Variants in CDC14B observed in about 807,000 individuals in gnomAD.
The protein encoded by CDC14B is dual specificity protein phosphatase CDC14B.
A neutral mutation model predicts 64.2 loss-of-function variants in CDC14B; 22 were observed. The ratio of observed to expected loss-of-function variants is 0.34; its 90% CI spans 0.24 to 0.49. CDC14B has a LOEUF of 0.49. Ranked by LOEUF, CDC14B falls within the 20% of genes least tolerant of loss-of-function variation. The pLI is 0.99. For synonymous variants in CDC14B, 191 were observed against 215.8 expected (o/e 0.89, Z 1.01); for missense variants, 498 against 629.9 (o/e 0.79, Z 2.24).
At chr9:96,614,170 C>A (rs959355211) in intron 1 of CDC14B, among the ~76,000 whole-genome samples, 2 of 152,052 alleles carry the variant, frequency 1.3e-5, no homozygotes, top group Non-Finnish European at 2.9e-5. Context: ...AAATTTAACA[C>A]AAACCACCAA....
chr9:96,538,333 A>G (rs1439400200), intron 7 of CDC14B, among the ~76,000 whole-genome samples: 1 of 151,960 alleles, frequency 6.6e-6, no homozygotes, highest in Non-Finnish European at 1.5e-5. Context: ...AGAAATAGGG[A>G]TAAGAAGATG....
intron 1 of CDC14B, among the ~76,000 whole-genome samples, chr9:96,609,403 T>C (rs1025955199): frequency 4.6e-5 from 7 of 152,336 alleles, no homozygotes; most frequent in Admixed American, 6.5e-5. Context: ...ATTCAGATGA[T>C]GATTTAAGAG....
chr9:96,550,193 T>C (rs1841599411), intron 5 of CDC14B, among the ~76,000 whole-genome samples: 1 of 152,210 alleles, frequency 6.6e-6, no homozygotes, highest in South Asian at 2.1e-4. Flanking sequence ...GCTTAGAAAA[T>C]GATCTTTATT....
At chr9:96,520,664 T>C (rs1836550958) in intron 12 of CDC14B, among the ~76,000 whole-genome samples, 1 of 152,178 alleles carries the variant, frequency 6.6e-6, no homozygotes, top group African/African-American at 2.4e-5. Flanking sequence ...AAACATAAAC[T>C]GATGATGCTG....
intron 1 of CDC14B, among the ~76,000 whole-genome samples, chr9:96,614,189 T>C (rs189543262): frequency 4.5e-4 from 69 of 152,338 alleles, no homozygotes; most frequent in African/African-American, 1.6e-3. Context: ...AAGAATCTTT[T>C]AGCCAGTAGC....
intron 9 of CDC14B, among the ~76,000 whole-genome samples, chr9:96,532,601 T>TAC (rs1233447991): frequency 5.3e-5 from 8 of 152,180 alleles, no homozygotes; most frequent in Non-Finnish European, 1.0e-4. Context: ...TATCTTGGTC[T>TAC]ACTTGGGTGT....
In CDC14B at chr9:96,580,378, T is replaced by C. The variant is rs1388524334; in HGVS notation, c.161-14895A>G. 3.3e-5 allele frequency among the ~76,000 whole-genome samples: 5 copies of C among 152,174 alleles called. No individual in the cohort carries two copies. The South Asian group carries it at 8.3e-4, about 25-fold the overall frequency. On this transcript the variant is annotated intron_variant, in intron 1 of 13. Coordinates refer to ENST00000375241, the MANE Select transcript of CDC14B (RefSeq NM_033331.4). ...TCCCGAGTAGCTGGGATTACAAGCA[T>C]GCACCACCACGCCCGGCTAATTTTG...
intron 7 of CDC14B, among the ~76,000 whole-genome samples, chr9:96,536,920 A>T (rs757889457): frequency 6.6e-6 from 1 of 152,198 alleles, no homozygotes; most frequent in African/African-American, 2.4e-5. Context: ...AAATATATAT[A>T]CTATGTTAAA....
chr9:96,522,755 TTAAGA>T, intron 11 of CDC14B, 152 bp from the exon 12 acceptor site: 1 of 616,644 alleles, frequency 1.6e-6, no homozygotes, highest in South Asian at 1.9e-5. Flanking sequence ...AGGTGACATT[TTAAGA>T]CAGCCAAAGT....
intron 1 of CDC14B, among the ~76,000 whole-genome samples, chr9:96,581,979 G>A (rs1272172463): frequency 6.6e-6 from 1 of 152,092 alleles, no homozygotes; most frequent in Non-Finnish European, 1.5e-5. Context: ...GCAGCCCTGG[G>A]CTGGAGACAC....
intron 6 of CDC14B, among the ~76,000 whole-genome samples, chr9:96,541,410 T>G (rs1487326544): frequency 6.6e-6 from 1 of 152,218 alleles, no homozygotes; most frequent in East Asian, 1.9e-4. Flanking sequence ...AAAAATGAAG[T>G]GTTTGACAGT....
At chr9:96,566,318 C>A (rs1843915208) in intron 1 of CDC14B, among the ~76,000 whole-genome samples, 1 of 151,676 alleles carries the variant, frequency 6.6e-6, no homozygotes, top group Non-Finnish European at 1.5e-5. Context: ...TATATACTTT[C>A]AGCAGAGCCA....
chr9:96,556,176 G>A (rs540836912), intron 4 of CDC14B, among the ~76,000 whole-genome samples: 2 of 152,258 alleles, frequency 1.3e-5, no homozygotes, highest in South Asian at 2.1e-4. Context: ...CCCTAGAGCT[G>A]AGAGTGACAA....
At chr9:96,551,609 G>A (rs16911226) in intron 5 of CDC14B, among the ~76,000 whole-genome samples, 187 bp downstream of exon 5, 7,561 of 152,194 alleles carry the variant, frequency 0.05, 364 homozygotes, top group South Asian at 0.27. Context: ...AACATGCTAC[G>A]ACGCACAAGA....
chr9:96,550,973 T>C (rs2132042351), intron 5 of CDC14B, among the ~76,000 whole-genome samples: 1 of 152,078 alleles, frequency 6.6e-6, no homozygotes, highest in South Asian at 2.1e-4. Context: ...AAAAAAGGGG[T>C]TCATTTTGGT....
chr9:96,518,924 C>G (rs563725231), intron 12 of CDC14B, among the ~76,000 whole-genome samples: 149 of 152,188 alleles, frequency 9.8e-4, no homozygotes, highest in Non-Finnish European at 2.0e-3. Context: ...ATCACGAGGT[C>G]AGGAGATCGA....
intron 4 of CDC14B, among the ~76,000 whole-genome samples, chr9:96,556,936 C>T (rs1173630223): frequency 6.6e-6 from 1 of 152,208 alleles, no homozygotes; most frequent in Non-Finnish European, 1.5e-5. Flanking sequence ...GGGCCTGCTC[C>T]TCTGGCCGTA....
At position 96,619,302 on chromosome 9, in the gene CDC14B, G is replaced by T. The variant is rs1377759481; in HGVS notation, c.77C>A (p.Pro26Gln). ...PCSRRCSSTSPGVKKIRSSTQ... is the reference protein window; with the variant it reads ...PCSRRCSSTSQGVKKIRSSTQ... Reference sequence around the variant, plus strand: ...GGAGCTGCGGATCTTCTTCACACCCGGCGAGGTCGACGAGCAGCGCCGCGA... The same window carrying T: ...GGAGCTGCGGATCTTCTTCACACCCTGCGAGGTCGACGAGCAGCGCCGCGA... Residue 26 changes from proline (P) to glutamine (Q), a missense_variant, in exon 1 of 14, where the codon CCG (proline) becomes CAG (glutamine). Coordinates refer to ENST00000375241, the MANE Select transcript of CDC14B (RefSeq NM_033331.4). 3.0e-6 allele frequency: 4 copies of T among 1,320,900 alleles called. No individual in the cohort carries two copies. The highest frequency in any genetic ancestry group is 3.9e-6 in the Non-Finnish European group (4 of 1,031,872). The allele number at this position is 1,320,900 out of a possible 1,614,324, so 81.8% of individuals were successfully genotyped here.
At chr9:96,552,009 C>A in intron 4 of CDC14B, 137 bp from the exon 5 acceptor site, 1 of 1,124,566 alleles carries the variant, frequency 8.9e-7, no homozygotes, top group Non-Finnish European at 1.2e-6. Flanking sequence ...TAGGAATCAC[C>A]CAGAATCCTG....
Sources: gnomAD v4.1 joint callset for allele counts (sites outside exome capture counted in the v4.1 genomes callset) on GRCh38, gnomAD v4.1.1 for gene constraint, MANE v1.5 for transcripts, NCBI Gene and HGNC (gene_info 2026-07-23, HGNC 2026-07-21) for gene names.